CHD9: variants seen among roughly 807,000 people sequenced by gnomAD.
CHD9 encodes ATP-dependent chromatin remodeler CHD9.
In CHD9, 77 loss-of-function variants were observed where a neutral mutation model predicts 316.1. That is an observed-to-expected ratio of 0.24 (90% confidence interval 0.20 to 0.29). CHD9 has a LOEUF of 0.29. Among genes scored for constraint, CHD9 ranks in the 10% least tolerant of loss-of-function variants. The pLI is 1.00. For synonymous variants in CHD9, 1,129 were observed against 1,158.3 expected, an observed-to-expected ratio of 0.97 and a Z score of 0.51; for missense variants, 2,763 against 3,438.1, an observed-to-expected ratio of 0.80 and a Z score of 4.91.
chr16:53,268,193 C>A (rs916549617), intron 22 of CHD9, 67 bp downstream of exon 22: 19 of 1,066,750 alleles, frequency 1.8e-5, no homozygotes. Flanking sequence ...TTAACATATT[C>A]TCCTATAAAA....
chr16:53,273,891 G>A, intron 23 of CHD9, 106 bp downstream of exon 23: 3 of 1,001,302 alleles, frequency 3.0e-6, no homozygotes, highest in African/African-American at 1.6e-5. Flanking sequence ...GCATGGTCTA[G>A]GGCCAATCCT....
chr16:53,209,689 T>C lies in CHD9; in HGVS notation c.1660T>C (p.Phe554Leu). ...TCCACGAGTAATGAGCCCTGAAAAC[T>C]TTCCTACTGCTTCAGTTGAAGGAAA... ...NIPRVMSPEN[F>L]PTASVEGKEE... Residue 554 changes from phenylalanine (F) to leucine (L), a missense_variant, in exon 3 of 39, where the codon TTT (phenylalanine) becomes CTT (leucine). This residue lies in a region of CHD9 where 859 missense variants were observed against 890.4 expected (regional missense o/e 0.96). Coordinates refer to ENST00000447540, the MANE Select transcript of CHD9 (RefSeq NM_001308319.2). 6.2e-7 allele frequency: 1 copy of C among 1,613,802 alleles called. No individual in the cohort carries two copies. Among genetic ancestry groups the C allele is most frequent in the South Asian group, 1.1e-5 (1 of 91,084 alleles).
chr16:53,105,398 A>G (rs2152574969), intron 1 of CHD9, among the ~76,000 whole-genome samples: 1 of 152,268 alleles, frequency 6.6e-6, no homozygotes, highest in East Asian at 1.9e-4. Context: ...GGTAGCATAC[A>G]CTTATTCTAC....
At chr16:53,184,166 G>C (rs2043785352) in intron 2 of CHD9, among the ~76,000 whole-genome samples, 1 of 151,942 alleles carries the variant, frequency 6.6e-6, no homozygotes, top group Admixed American at 6.6e-5. Flanking sequence ...GGATGGTCTC[G>C]ATCTCCTGAC....
intron 1 of CHD9, among the ~76,000 whole-genome samples, chr16:53,138,977 T>G (rs1472295142): frequency 1.3e-5 from 2 of 152,172 alleles, no homozygotes; most frequent in Non-Finnish European, 2.9e-5. Flanking sequence ...AAAGGGGCAG[T>G]TAAAGATCCT....
chr16:53,140,013 T>G (rs1441436333), intron 1 of CHD9, among the ~76,000 whole-genome samples: 2 of 151,830 alleles, frequency 1.3e-5, no homozygotes, highest in Non-Finnish European at 2.9e-5. Context: ...GTGGCAGGAT[T>G]GCTTGAGCCC....
At chr16:53,077,940 G>C (rs2034687543) in intron 1 of CHD9, among the ~76,000 whole-genome samples, 1 of 152,162 alleles carries the variant, frequency 6.6e-6, no homozygotes, top group Admixed American at 6.5e-5. Context: ...CAGGCATGGT[G>C]TTGCTCATCT....
rs1258701048 is a variant in CHD9 at position 53,325,263 on chromosome 16, T to A, written c.*368T>A. On this transcript the variant is annotated 3_prime_UTR_variant, in exon 39 of 39. Coordinates refer to ENST00000447540, the MANE Select transcript of CHD9 (RefSeq NM_001308319.2). ...TTAATTTGAATATAGTTTTACAGCC[T>A]CCTTGACACCTATAATTTACAGATC... 1 of 162,240 alleles carries A rather than the reference T, an allele frequency of 6.2e-6. No individual in the cohort carries two copies. Among genetic ancestry groups the A allele is most frequent in the East Asian group, 1.8e-4 (1 of 5,664 alleles). The allele number at this position is 162,240 out of a possible 1,614,324, so 10.1% of individuals were successfully genotyped here.
intron 1 of CHD9, among the ~76,000 whole-genome samples, chr16:53,140,863 T>C (rs180871101): frequency 6.6e-6 from 1 of 152,338 alleles, no homozygotes; most frequent in East Asian, 1.9e-4. Context: ...GTGGAGATTA[T>C]GTTTTTAAGA....
At chr16:53,058,385 CTAGGATT>C (rs2032426607) in intron 1 of CHD9, among the ~76,000 whole-genome samples, 1 of 152,162 alleles carries the variant, frequency 6.6e-6, no homozygotes, top group South Asian at 2.1e-4. Flanking sequence ...CTCCAAAGTG[CTAGGATT>C]ACAGGCTCAA....
intron 2 of CHD9, among the ~76,000 whole-genome samples, chr16:53,163,876 G>A (rs149902355): frequency 4.2e-4 from 64 of 152,232 alleles, no homozygotes; most frequent in African/African-American, 1.3e-3. Flanking sequence ...GCACTGTTCT[G>A]AATACTTAAC....
chr16:53,322,787 A>G (rs891240563), intron 38 of CHD9, among the ~76,000 whole-genome samples: 16 of 151,870 alleles, frequency 1.1e-4, no homozygotes, highest in East Asian at 1.9e-4. Flanking sequence ...CTGTGATTCT[A>G]TTTTTTTTGT....
At chr16:53,224,107 G>A (rs80307327) in intron 4 of CHD9, among the ~76,000 whole-genome samples, 2 of 152,098 alleles carry the variant, frequency 1.3e-5, no homozygotes, top group South Asian at 2.1e-4. Flanking sequence ...CACTTAAAAC[G>A]TGCTTCTAAC....
intron 19 of CHD9, among the ~76,000 whole-genome samples, chr16:53,257,409 A>G (rs1254675697): frequency 1.3e-5 from 2 of 152,196 alleles, no homozygotes; most frequent in East Asian, 3.8e-4. Flanking sequence ...TAGCAGCAGC[A>G]TGGAGAACAA....
At position 53,268,006 on chromosome 16, in the gene CHD9, C is replaced by T. The variant is rs1354761122; in HGVS notation, c.4597C>T (p.Arg1533Ter). Residue 1533 changes from arginine (R) to a stop codon, truncating the protein, a stop_gained, in exon 22 of 39, where the codon CGA becomes TGA. Transcript: ENST00000447540. LOFTEE classifies it high-confidence loss of function. ...TGAACACGATGTAGAGATAATTTGC[C>T]GAGCTCTCTTAGCATATTGCCTTGT... is the stretch of plus-strand genomic sequence containing the variant. ...LNEHDVEIIC[R>*]ALLAYCLVHY... The T allele has an allele frequency of 6.2e-7, 1 of 1,613,316 alleles. No homozygotes were observed. The highest frequency in any genetic ancestry group is 2.2e-5 in the East Asian group (1 of 44,860).
At chr16:53,129,417 G>A (rs928444270) in intron 1 of CHD9, among the ~76,000 whole-genome samples, 4 of 152,214 alleles carry the variant, frequency 2.6e-5, no homozygotes, top group African/African-American at 9.6e-5. Context: ...ATCCTTCAGG[G>A]AATCAAAGTT....
At chr16:53,241,837 A>G (rs1476706289) in intron 12 of CHD9, among the ~76,000 whole-genome samples, 1 of 152,140 alleles carries the variant, frequency 6.6e-6, no homozygotes, top group African/African-American at 2.4e-5. Context: ...TTTCATCACA[A>G]CTGCCAAAGG....
intron 2 of CHD9, among the ~76,000 whole-genome samples, chr16:53,181,299 C>G (rs569739648): frequency 2.6e-4 from 39 of 152,266 alleles, no homozygotes; most frequent in African/African-American, 9.4e-4. Context: ...ATGGGAGCCA[C>G]TGCACCTGGC....
At chr16:53,150,274 TTTAG>T (rs2040994773) in intron 1 of CHD9, among the ~76,000 whole-genome samples, 1 of 152,096 alleles carries the variant, frequency 6.6e-6, no homozygotes, top group African/African-American at 2.4e-5. Flanking sequence ...CTGTATATTT[TTTAG>T]TTATTTCCTT....
Sources: allele counts gnomAD v4.1 joint callset (sites outside exome capture counted in the v4.1 genomes callset), GRCh38; gene constraint gnomAD v4.1.1; regional missense constraint gnomAD v4.1.1; transcripts MANE v1.5; gene names NCBI Gene and HGNC (gene_info 2026-07-23, HGNC 2026-07-21).